Variants in DHRS2 observed in about 807,000 individuals in gnomAD.
The protein encoded by DHRS2 is dehydrogenase/reductase SDR family member 2, mitochondrial.
Under a neutral mutation model 26.3 loss-of-function variants are expected in DHRS2, and 29 were observed. The ratio of observed to expected loss-of-function variants is 1.10; its 90% CI spans 0.82 to 1.50. The LOEUF is 1.50. Among genes scored for constraint, DHRS2 ranks in the 40% most tolerant of loss-of-function variants. DHRS2 has a pLI of 0.00. For synonymous variants in DHRS2, 164 were observed against 151.3 expected (o/e 1.08, Z -0.62); for missense variants, 439 against 367.1 (o/e 1.20, Z -1.60).
At chr14:23,644,909 T>C (rs1157167164) in intron 8 of DHRS2, 27 bp downstream of exon 8, 3 of 1,612,938 alleles carry the variant, frequency 1.9e-6, no homozygotes, top group Non-Finnish European at 1.7e-6. Flanking sequence ...GATTTGGTGG[T>C]CCATGTGTGG....
Position 23,645,167 on chromosome 14 carries a change from G to A in DHRS2, c.757G>A (p.Gly253Arg). The change falls in exon 9 of 9, where the codon GGA becomes AGA. Residue 253 changes from glycine (G) to arginine (R), a missense_variant. Coordinates refer to ENST00000250383, the MANE Select transcript of DHRS2 (RefSeq NM_005794.4). ...GATTGGGGAGTCAGAGGACTGTGCA[G>A]GAATCGTGTCCTTCCTGTGCTCTCC... is the stretch of plus-strand genomic sequence containing the variant. ...QRIGESEDCA[G>R]IVSFLCSPDA... The A allele has an allele frequency of 6.2e-7, 1 of 1,614,140 alleles. No individual in the cohort carries two copies. The highest frequency in any genetic ancestry group is 8.5e-7 in the Non-Finnish European group (1 of 1,179,992).
Position 23,644,049 on chromosome 14 carries a change from A to T in DHRS2, c.489-62A>T, listed in dbSNP as rs368656310. 2.6e-6 allele frequency: 4 copies of T among 1,516,532 alleles called. No homozygotes were observed. In the Admixed American group the frequency reaches 6.7e-5, roughly 25 times the overall value. The allele number at this position is 1,516,532 out of a possible 1,614,324, so 93.9% of individuals were successfully genotyped here. A position where few individuals can be genotyped will look rare whatever the true frequency, so the allele number is the denominator to read the frequency against. ...GGTTGCATCATTTAATGAACTCATG[A>T]TAGTGTCACCATCAGTGGTAAGCTC... On this transcript the variant is annotated intron_variant, in intron 5 of 8. Coordinates refer to ENST00000250383, the MANE Select transcript of DHRS2 (RefSeq NM_005794.4).
intron 5 of DHRS2, 144 bp from the exon 6 acceptor site, chr14:23,643,949 ACTAAACCTTTCTGAGCCT>A: frequency 1.4e-6 from 1 of 714,916 alleles, no homozygotes; most frequent in Non-Finnish European, 2.5e-6. Flanking sequence ...ATTGGCTGGT[ACTAAACCTTTCTGAGCCT>A]CAGTTTTCTG....
At chr14:23,643,967 T>G (rs763872911) in intron 5 of DHRS2, 144 bp from the exon 6 acceptor site, 8 of 818,424 alleles carry the variant, frequency 9.8e-6, no homozygotes, top group Non-Finnish European at 1.7e-5. Flanking sequence ...TTTCTGAGCC[T>G]CAGTTTTCTG....
intron 5 of DHRS2, chr14:23,643,884 G>T (rs1011759141): frequency 3.5e-6 from 2 of 571,322 alleles, no homozygotes; most frequent in Non-Finnish European, 6.3e-6. Context: ...TAAGGGTTCT[G>T]AGCATGGACA....
At chr14:23,637,870 C>T (rs558843314) in intron 1 of DHRS2, among the ~76,000 whole-genome samples, 22 of 152,262 alleles carry the variant, frequency 1.4e-4, no homozygotes, top group Non-Finnish European at 2.6e-4. Context: ...TAAAACAGAC[C>T]AATCAGCTCT....
At position 23,639,322 on chromosome 14, in the gene DHRS2, G is replaced by T. The variant is rs1328379444; in HGVS notation, c.284G>T (p.Gly95Val). Reference protein sequence around the residue: ...LSVAGIVCHVGKAEDREQLVA... With the variant: ...LSVAGIVCHVVKAEDREQLVA... ...GTGGCGGGCATTGTGTGCCACGTGG[G>T]GAAGGCTGAGGACCGGGAGCAGCTG... is the stretch of plus-strand genomic sequence containing the variant. Residue 95 changes from glycine (G) to valine (V), a missense_variant, in exon 3 of 9, where the codon GGG becomes GTG. Transcript: ENST00000250383. 6.3e-7 allele frequency: 1 copy of T among 1,584,612 alleles called. No individual in the cohort carries two copies. Among genetic ancestry groups the T allele is most frequent in the Non-Finnish European group, 8.6e-7 (1 of 1,166,090 alleles).
At chr14:23,639,034 C>A (rs770402015) in intron 2 of DHRS2, 30 bp downstream of exon 2, 7 of 1,608,742 alleles carry the variant, frequency 4.4e-6, no homozygotes, top group Non-Finnish European at 5.9e-6. Flanking sequence ...TGGGTCCTGG[C>A]CCCTCACAGG....
chr14:23,640,528 A>G, intron 4 of DHRS2: 1 of 748,636 alleles, frequency 1.3e-6, no homozygotes, highest in South Asian at 6.1e-5. Flanking sequence ...GTTGTTCCCC[A>G]GTGACTTCTG....
rs567578127 is a variant in DHRS2 at position 23,643,129 on chromosome 14, C to T, written c.421-23C>T. On this transcript the variant is annotated intron_variant, in intron 4 of 8. Transcript: ENST00000250383. The stretch of plus-strand genomic sequence containing the variant: ...GGCTGACCATGTCTCTCTGCCCTCA[C>T]CCATGCTCTGCTCTGATTTCAGATC... 309 of 1,613,558 alleles carry T rather than the reference C, an allele frequency of 1.9e-4. 2 individuals are homozygous for T. The South Asian group carries it at 2.6e-3, about 14-fold the overall frequency.
chr14:23,633,297 T>C (rs1317660384), upstream of DHRS2, among the ~76,000 whole-genome samples: 1 of 152,308 alleles, frequency 6.6e-6, no homozygotes, highest in East Asian at 1.9e-4. Flanking sequence ...TTTAACTGGC[T>C]CAGCTCCACG....
Position 23,644,544 on chromosome 14 carries a change from G to T in DHRS2, c.675+1G>T. ...TATCAAAACTGACTTCAGCAAAGTG[G>T]TGAGGATTGGGTGTGTCTTCCATCT... On this transcript the variant is annotated splice_donor_variant, in intron 7 of 8. Coordinates refer to ENST00000250383, the MANE Select transcript of DHRS2 (RefSeq NM_005794.4). LOFTEE classifies it high-confidence loss of function. 1.2e-6 allele frequency: 2 copies of T among 1,614,232 alleles called. No individual in the cohort carries two copies. The highest frequency in any genetic ancestry group is 1.7e-6 in the Non-Finnish European group (2 of 1,180,040).
upstream of DHRS2, among the ~76,000 whole-genome samples, chr14:23,632,148 C>T (rs909811660): frequency 1.3e-5 from 2 of 152,158 alleles, no homozygotes; most frequent in South Asian, 2.1e-4. Context: ...CGACAAAAGG[C>T]GAGTCCTCTT....
intron 1 of DHRS2, among the ~76,000 whole-genome samples, chr14:23,637,182 TTCTC>T (rs972595582): frequency 1.3e-5 from 2 of 152,196 alleles, no homozygotes; most frequent in Non-Finnish European, 2.9e-5. Context: ...CAGACAAACT[TTCTC>T]TCTCCTCTCT....
chr14:23,640,366 A>G, intron 4 of DHRS2: 1 of 985,490 alleles, frequency 1.0e-6, no homozygotes. Flanking sequence ...TGAGTCCCAC[A>G]CAAACTTGCC....
In DHRS2 at chr14:23,643,132, A is replaced by G. The variant is rs371863286; in HGVS notation, c.421-20A>G. On this transcript the variant is annotated intron_variant, in intron 4 of 8. Transcript: ENST00000250383. ...TGACCATGTCTCTCTGCCCTCACCC[A>G]TGCTCTGCTCTGATTTCAGATCCTA... 1.4e-5 allele frequency: 23 copies of G among 1,613,580 alleles called. No individual in the cohort carries two copies. Among genetic ancestry groups the G allele is most frequent in the Non-Finnish European group, 1.8e-5 (21 of 1,179,810 alleles).
chr14:23,632,933 C>T (rs1290701256), upstream of DHRS2, among the ~76,000 whole-genome samples: 2 of 152,228 alleles, frequency 1.3e-5, no homozygotes, highest in African/African-American at 4.8e-5. Flanking sequence ...TGCTAACTAA[C>T]CCCTTGCTGG....
At chr14:23,634,098 C>T (rs951031577), upstream of DHRS2, among the ~76,000 whole-genome samples, 1 of 110,194 alleles carries the variant, frequency 9.1e-6, no homozygotes, top group African/African-American at 3.5e-5. Context: ...GACGGAGTCT[C>T]CCTCTGTCAC....
In DHRS2 at chr14:23,645,220, C is replaced by T; in HGVS notation, c.810C>T (p.Asn270=). Residue 270 remains asparagine, a synonymous_variant, in exon 9 of 9, where the codon AAC becomes AAT. Coordinates refer to ENST00000250383, the MANE Select transcript of DHRS2 (RefSeq NM_005794.4). ...SPDASYVNGE[N]IAVAGYSTRL ...ATGCCAGCTACGTCAACGGGGAGAA[C>T]ATTGCGGTGGCAGGCTACTCCACTC... The T allele has an allele frequency of 6.2e-7, 1 of 1,614,180 alleles. No homozygotes were observed. Among genetic ancestry groups the T allele is most frequent in the Non-Finnish European group, 8.5e-7 (1 of 1,180,038 alleles).
Sources: gnomAD v4.1 joint callset for allele counts (sites outside exome capture counted in the v4.1 genomes callset) on GRCh38, gnomAD v4.1.1 for gene constraint, MANE v1.5 for transcripts, NCBI Gene and HGNC (gene_info 2026-07-23, HGNC 2026-07-21) for gene names.